Variants in DYNC1I1 observed in about 807,000 individuals in gnomAD.
DYNC1I1 encodes dynein cytoplasmic 1 intermediate chain 1, also known as cytoplasmic dynein 1 intermediate chain 1.
A neutral mutation model predicts 86.6 loss-of-function variants in DYNC1I1; 43 were observed. The observed-to-expected ratio is 0.50, with a 90% CI of 0.39 to 0.64. DYNC1I1 has a LOEUF of 0.64. Ranked by LOEUF, DYNC1I1 falls within the 30% of genes least tolerant of loss-of-function variation. The pLI is 0.00. For missense variants in DYNC1I1, 604 were observed against 788.8 expected, an observed-to-expected ratio of 0.77 and a Z score of 2.81; for synonymous variants, 262 against 283.7, an observed-to-expected ratio of 0.92 and a Z score of 0.77.
chr7:95,901,641 C>T (rs1791039976), intron 6 of DYNC1I1, among the ~76,000 whole-genome samples: 1 of 152,094 alleles, frequency 6.6e-6, no homozygotes, highest in Non-Finnish European at 1.5e-5. Context: ...GTGAAACTTG[C>T]TTTAATTGAC....
At chr7:95,947,995 T>C (rs1444427790) in intron 6 of DYNC1I1, among the ~76,000 whole-genome samples, 1 of 151,040 alleles carries the variant, frequency 6.6e-6, no homozygotes, top group Admixed American at 6.6e-5. Context: ...TTTTTTTTTT[T>C]TTTTTGGTAG....
intron 15 of DYNC1I1, among the ~76,000 whole-genome samples, chr7:96,077,275 GT>G (rs1790372337): frequency 6.6e-6 from 1 of 151,548 alleles, no homozygotes; most frequent in East Asian, 1.9e-4. Context: ...GTGTGTGTGT[GT>G]GGGAGGGGGC....
At chr7:95,881,871 C>A (rs142880417) in intron 6 of DYNC1I1, among the ~76,000 whole-genome samples, 1 of 152,118 alleles carries the variant, frequency 6.6e-6, no homozygotes, top group Non-Finnish European at 1.5e-5. Flanking sequence ...AATATTAGTT[C>A]CAAGGTAAGA....
intron 10 of DYNC1I1, among the ~76,000 whole-genome samples, chr7:96,002,364 G>T (rs970959783): frequency 3.9e-5 from 6 of 152,154 alleles, no homozygotes; most frequent in African/African-American, 1.2e-4. Flanking sequence ...CTAACTAAAT[G>T]ATGATGAGGT....
intron 6 of DYNC1I1, among the ~76,000 whole-genome samples, chr7:95,880,903 C>A (rs1017420782): frequency 1.3e-5 from 2 of 152,048 alleles, no homozygotes; most frequent in African/African-American, 4.8e-5. Context: ...TCTCAGCCTC[C>A]CATAACTTGC....
chr7:95,987,010 TAGAG>T, intron 8 of DYNC1I1, 42 bp from the exon 9 acceptor site: 1 of 1,566,146 alleles, frequency 6.4e-7, no homozygotes. Context: ...ATGAGCAGCA[TAGAG>T]AAAGAGCTCC....
In DYNC1I1 at chr7:96,016,556, T is replaced by A. The variant is rs958501332; in HGVS notation, c.970-11619T>A. 5.3e-5 allele frequency among the ~76,000 whole-genome samples: 8 copies of A among 152,240 alleles called. No homozygotes were observed. The South Asian group carries it at 1.7e-3, about 32-fold the overall frequency. ...CAGGACACACATATCATGCAATTGTTTTTAGACACTCTTGCCAATACAACA... is the reference window on the plus strand; with the variant it reads ...CAGGACACACATATCATGCAATTGTATTTAGACACTCTTGCCAATACAACA... On this transcript the variant is annotated intron_variant, in intron 10 of 16. Coordinates refer to ENST00000447467, the MANE Select transcript of DYNC1I1 (RefSeq NM_001135556.2).
At chr7:95,900,344 AGAAG>A (rs1303579027) in intron 6 of DYNC1I1, among the ~76,000 whole-genome samples, 2 of 152,188 alleles carry the variant, frequency 1.3e-5, no homozygotes, top group African/African-American at 2.4e-5. Context: ...TGGCTAGGGT[AGAAG>A]GCTCTTTGGA....
chr7:95,956,731 C>T (rs1206470265), intron 6 of DYNC1I1, among the ~76,000 whole-genome samples: 1 of 152,126 alleles, frequency 6.6e-6, no homozygotes, highest in Non-Finnish European at 1.5e-5. Flanking sequence ...TTTATGGCTG[C>T]ATAGTATTCA....
At chr7:96,077,514 TTTATAACATTA>T (rs1790381022) in intron 15 of DYNC1I1, among the ~76,000 whole-genome samples, 1 of 152,186 alleles carries the variant, frequency 6.6e-6, no homozygotes, top group Admixed American at 6.5e-5. Context: ...TGTTGAAATG[TTTATAACATTA>T]TTGTTTTTAA....
chr7:95,997,583 TTGTGTGTGTGTGTG>T (rs34117329), intron 10 of DYNC1I1, among the ~76,000 whole-genome samples: 3 of 142,754 alleles, frequency 2.1e-5, no homozygotes, highest in East Asian at 2.2e-4. Context: ...AAGGGCATTC[TTGTGTGTGTGTGTG>T]TGTGTGTGTG....
rs933521135 is a variant in DYNC1I1 at position 95,898,674 on chromosome 7, C to T, written c.490+28676C>T. Among the ~76,000 whole-genome samples the T allele has an allele frequency of 3.0e-4, 45 of 152,276 alleles. 1 individual carries two copies. The highest frequency in any genetic ancestry group is 2.2e-4 in the Non-Finnish European group (15 of 68,018). ...TACTTCTTTATGCAAAGGAAAGAAT[C>T]ACTAACTTTCCTCAGTGTATCCACT... On this transcript the variant is annotated intron_variant, in intron 6 of 16. Transcript: ENST00000447467.
At chr7:96,062,041 G>A (rs1789796322) in intron 14 of DYNC1I1, among the ~76,000 whole-genome samples, 1 of 152,184 alleles carries the variant, frequency 6.6e-6, no homozygotes, top group South Asian at 2.1e-4. Flanking sequence ...TTTGTCACAA[G>A]GCCAAGTGGA....
At chr7:95,784,940 A>G (rs917714208) in intron 1 of DYNC1I1, among the ~76,000 whole-genome samples, 2 of 152,234 alleles carry the variant, frequency 1.3e-5, no homozygotes, top group Non-Finnish European at 2.9e-5. Context: ...TGGGGCCAGC[A>G]TAAACAAGGG....
chr7:95,982,809 C>G (rs978749573), intron 7 of DYNC1I1, among the ~76,000 whole-genome samples: 1 of 152,038 alleles, frequency 6.6e-6, no homozygotes, highest in African/African-American at 2.4e-5. Flanking sequence ...ACAAAATGGA[C>G]TTAGTAGGGT....
chr7:95,972,496 C>T (rs936840339), intron 6 of DYNC1I1, among the ~76,000 whole-genome samples: 4 of 152,038 alleles, frequency 2.6e-5, no homozygotes, highest in Admixed American at 6.6e-5. Context: ...ACTCTTTCCC[C>T]CTGGGCTTCG....
intron 11 of DYNC1I1, among the ~76,000 whole-genome samples, chr7:96,031,877 T>G (rs1231794034): frequency 6.6e-6 from 1 of 152,156 alleles, no homozygotes; most frequent in African/African-American, 2.4e-5. Flanking sequence ...AATACACAGC[T>G]GCAAATGATT....
At chr7:95,967,417 G>T (rs1054029149) in intron 6 of DYNC1I1, among the ~76,000 whole-genome samples, 3 of 152,066 alleles carry the variant, frequency 2.0e-5, no homozygotes, top group African/African-American at 4.8e-5. Context: ...AGAAAGTATT[G>T]GAGGCCTTGG....
chr7:96,068,755 A>G (rs967816185), intron 14 of DYNC1I1, among the ~76,000 whole-genome samples: 2 of 152,150 alleles, frequency 1.3e-5, no homozygotes, highest in African/African-American at 4.8e-5. Flanking sequence ...CTGAGTTTAT[A>G]TCTGATATTT....
Sources: gnomAD v4.1 joint callset for allele counts (sites outside exome capture counted in the v4.1 genomes callset) on GRCh38, gnomAD v4.1.1 for gene constraint, MANE v1.5 for transcripts, NCBI Gene and HGNC (gene_info 2026-07-23, HGNC 2026-07-21) for gene names.